The following COL5A2 variants were observed in gnomAD, a reference collection of about 807,000 sequenced individuals.
COL5A2 encodes collagen alpha-2(V) chain.
In COL5A2, 23 loss-of-function variants were observed where a neutral mutation model predicts 208.2. That is an observed-to-expected ratio of 0.11 (90% CI 0.08 to 0.16). The LOEUF is 0.16. Among genes scored for constraint, COL5A2 ranks in the 10% least tolerant of loss-of-function variants. The probability of loss-of-function intolerance (pLI) is 1.00; values close to 1 mark genes in which losing one functional copy is unlikely to be tolerated. For missense variants in COL5A2, 1,590 were observed against 1,956.4 expected, an observed-to-expected ratio of 0.81 and a Z score of 3.53; for synonymous variants, 625 against 628.5, an observed-to-expected ratio of 0.99 and a Z score of 0.08.
At chr2:189,314,771 T>C in the COL5A2 span, among the ~76,000 whole-genome samples, 1 of 152,076 alleles carries the variant, frequency 6.6e-6, no homozygotes, top group Non-Finnish European at 1.5e-5. Flanking sequence ...CCCATAGAAA[T>C]ACAAACAACC....
chr2:189,433,112 A>G, the COL5A2 span, among the ~76,000 whole-genome samples: 1 of 152,228 alleles, frequency 6.6e-6, no homozygotes, highest in South Asian at 2.1e-4. Context: ...ATGCAGAAAT[A>G]AAGATGTTCT....
At chr2:189,354,580 T>C in the COL5A2 span, among the ~76,000 whole-genome samples, 3,653 of 152,302 alleles carry the variant, frequency 0.024, 159 homozygotes, top group African/African-American at 0.084. Flanking sequence ...GTGTTTATAA[T>C]ATTCTCTGAC....
chr2:189,097,603 A>C (rs2105684023), intron 5 of COL5A2: 1 of 618,972 alleles, frequency 1.6e-6, no homozygotes, highest in Admixed American at 2.1e-5. Flanking sequence ...TAGCTTGACT[A>C]GTAATTGCAA....
chr2:189,353,404 G>C, the COL5A2 span, among the ~76,000 whole-genome samples: 2 of 152,264 alleles, frequency 1.3e-5, no homozygotes, highest in East Asian at 3.9e-4. Context: ...TCACAATATT[G>C]ATTCTTCCTA....
At chr2:189,130,146 G>A (rs1687683299) in intron 1 of COL5A2, among the ~76,000 whole-genome samples, 1 of 152,036 alleles carries the variant, frequency 6.6e-6, no homozygotes, top group Non-Finnish European at 1.5e-5. Flanking sequence ...ATTTCTGAAA[G>A]AAACAGTCTT....
the COL5A2 span, among the ~76,000 whole-genome samples, chr2:189,308,401 C>T: frequency 1.3e-5 from 2 of 152,192 alleles, no homozygotes; most frequent in South Asian, 2.1e-4. Flanking sequence ...AACAGATAGC[C>T]GGCCCTGAAA....
At chr2:189,346,306 T>C in the COL5A2 span, among the ~76,000 whole-genome samples, 4 of 152,284 alleles carry the variant, frequency 2.6e-5, no homozygotes, top group South Asian at 2.1e-4. Context: ...TAAACAAGGA[T>C]AGAAAATAGA....
intron 1 of COL5A2, among the ~76,000 whole-genome samples, chr2:189,224,562 G>A (rs532873237): frequency 5.3e-5 from 8 of 151,956 alleles, no homozygotes; most frequent in Non-Finnish European, 1.0e-4. Context: ...GGTGGCACAC[G>A]CCTATAGTCA....
At chr2:189,173,616 G>A (rs145870806) in intron 1 of COL5A2, among the ~76,000 whole-genome samples, 13 of 152,122 alleles carry the variant, frequency 8.5e-5, no homozygotes, top group Admixed American at 6.5e-4. Flanking sequence ...AAGAAAACTA[G>A]ATTATCAGTA....
At chr2:189,339,044 C>T in the COL5A2 span, among the ~76,000 whole-genome samples, 1 of 152,140 alleles carries the variant, frequency 6.6e-6, no homozygotes, top group African/African-American at 2.4e-5. Flanking sequence ...TTTAGTGTGA[C>T]TTACACAGCA....
chr2:189,403,894 AGTTAATTT>A, the COL5A2 span, among the ~76,000 whole-genome samples: 2 of 151,768 alleles, frequency 1.3e-5, no homozygotes, highest in Non-Finnish European at 2.9e-5. Context: ...CACCATGCCC[AGTTAATTT>A]TTGTATTTTT....
chr2:189,188,495 A>C (rs1449568999), intron 1 of COL5A2, among the ~76,000 whole-genome samples: 1 of 152,170 alleles, frequency 6.6e-6, no homozygotes, highest in Non-Finnish European at 1.5e-5. Flanking sequence ...GTTATTTTTT[A>C]AGCCTAATAA....
intron 1 of COL5A2, among the ~76,000 whole-genome samples, chr2:189,218,991 G>C (rs1689313443): frequency 6.6e-6 from 1 of 152,162 alleles, no homozygotes; most frequent in South Asian, 2.1e-4. Flanking sequence ...TGATATATTA[G>C]TTCATATTTT....
intron 1 of COL5A2, among the ~76,000 whole-genome samples, chr2:189,204,195 C>A (rs1689116114): frequency 1.3e-5 from 2 of 152,174 alleles, no homozygotes; most frequent in African/African-American, 4.8e-5. Flanking sequence ...CCGCGCCCAG[C>A]CAGAATGAAG....
chr2:189,097,548 T>A, intron 5 of COL5A2: 1 of 679,396 alleles, frequency 1.5e-6, no homozygotes, highest in Non-Finnish European at 2.7e-6. Context: ...TATGAAGAAC[T>A]AGGTGCACAT....
chr2:189,191,152 C>CAAA (rs1553526750), intron 1 of COL5A2, among the ~76,000 whole-genome samples: 10 of 21,090 alleles, frequency 4.7e-4, no homozygotes, highest in East Asian at 3.7e-3. Flanking sequence ...AAAAAAAAAA[C>CAAA]AAAAAACAAA....
At chr2:189,177,077 A>AATATACC (rs1488120399) in intron 1 of COL5A2, among the ~76,000 whole-genome samples, 3 of 152,228 alleles carry the variant, frequency 2.0e-5, no homozygotes, top group Admixed American at 2.0e-4. Context: ...AGTAAAGGGA[A>AATATACC]ATATACCCTG....
rs1186070182 is a variant in COL5A2, at chr2:189,062,856, A to G, written c.1977+9T>C. On this transcript the variant is annotated intron_variant, in intron 29 of 53. Coordinates refer to ENST00000374866, the MANE Select transcript of COL5A2 (RefSeq NM_000393.5). ...TATTCTCACACACACACACACAAAAATCACATACCGGCGGGCCCACAGGAC... is the reference window on the plus strand; with the variant it reads ...TATTCTCACACACACACACACAAAAGTCACATACCGGCGGGCCCACAGGAC... 1 of 1,614,062 alleles carries G rather than the reference A, an allele frequency of 6.2e-7. No homozygotes were observed. Among genetic ancestry groups the G allele is most frequent in the Non-Finnish European group, 8.5e-7 (1 of 1,180,002 alleles).
the COL5A2 span, among the ~76,000 whole-genome samples, chr2:189,407,283 C>G: frequency 6.6e-6 from 1 of 152,048 alleles, no homozygotes; most frequent in Non-Finnish European, 1.5e-5. Flanking sequence ...GAAGAAACTG[C>G]AACGTTTTAA....
Sources: allele counts gnomAD v4.1 joint callset (sites outside exome capture counted in the v4.1 genomes callset), GRCh38; gene constraint gnomAD v4.1.1; transcripts MANE v1.5; gene names NCBI Gene and HGNC (gene_info 2026-07-23, HGNC 2026-07-21).